Variants in LEMD3 observed in about 807,000 individuals in gnomAD.
LEMD3 encodes inner nuclear membrane protein Man1.
In LEMD3, 33 loss-of-function variants were observed where a neutral mutation model predicts 95.2. The ratio of observed to expected loss-of-function variants is 0.35; its 90% confidence interval spans 0.26 to 0.46. LEMD3 has a LOEUF of 0.46. Among genes scored for constraint, LEMD3 ranks in the 20% least tolerant of loss-of-function variants. LEMD3 has a pLI of 1.00. For synonymous variants in LEMD3, 525 were observed against 474.6 expected (o/e 1.11, Z -1.38); for missense variants, 1,210 against 1,192.8 (o/e 1.01, Z -0.21).
chr12:65,219,128 T>C (rs1261296810), intron 4 of LEMD3, among the ~76,000 whole-genome samples: 1 of 152,158 alleles, frequency 6.6e-6, no homozygotes, highest in Non-Finnish European at 1.5e-5. Flanking sequence ...TATGAGAGAA[T>C]GCATATTAAT....
chr12:65,236,648 A>G lies in LEMD3; in HGVS notation c.1696-1854A>G, dbSNP rs183588602. Among the ~76,000 whole-genome samples, 107 of 152,308 alleles carry G rather than the reference A, an allele frequency of 7.0e-4. 3 individuals carry two copies. Among genetic ancestry groups the G allele is most frequent in the African/African-American group, 2.4e-3 (99 of 41,576 alleles). ...CAGGGAATTTTTCACTGTGTTGTTT[A>G]TGCTGCACCTCTAGTTTCTAAAATA... is the stretch of plus-strand genomic sequence containing the variant. On this transcript the variant is annotated intron_variant, in intron 4 of 12. Coordinates refer to ENST00000308330, the MANE Select transcript of LEMD3 (RefSeq NM_014319.5).
chr12:65,243,645 G>A (rs758689088), intron 10 of LEMD3, among the ~76,000 whole-genome samples, 176 bp downstream of exon 10: 3 of 152,126 alleles, frequency 2.0e-5, no homozygotes, highest in Non-Finnish European at 4.4e-5. Context: ...TTGGCCAAAG[G>A]ACACTAATGT....
rs761590727 is a variant in LEMD3 at position 65,210,974 on chromosome 12, G to A, written c.1560+11G>A. Reference sequence around the variant, plus strand: ...TTTGGAAAAATACAAGTAAGTAAACGATCATAATACTGATAATTTTGTGTC... The same window carrying A: ...TTTGGAAAAATACAAGTAAGTAAACAATCATAATACTGATAATTTTGTGTC... On this transcript the variant is annotated intron_variant, in intron 2 of 12. Coordinates refer to ENST00000308330, the MANE Select transcript of LEMD3 (RefSeq NM_014319.5). 1.9e-6 allele frequency: 3 copies of A among 1,558,572 alleles called. No homozygotes were observed. Among genetic ancestry groups the A allele is most frequent in the East Asian group, 2.2e-5 (1 of 44,534 alleles).
chr12:65,210,856 A>C, intron 1 of LEMD3, 70 bp from the exon 2 acceptor site: 2 of 1,148,224 alleles, frequency 1.7e-6, no homozygotes, highest in Non-Finnish European at 2.7e-6. Flanking sequence ...CTGGCATTTC[A>C]GAGAGTTTGT....
chr12:65,228,199 G>A (rs527412202), intron 4 of LEMD3, among the ~76,000 whole-genome samples: 1 of 152,024 alleles, frequency 6.6e-6, no homozygotes, highest in Non-Finnish European at 1.5e-5. Flanking sequence ...CACAGATGCG[G>A]GGTTGGGGTA....
chr12:65,222,664 T>G, intron 4 of LEMD3, among the ~76,000 whole-genome samples: 1 of 152,038 alleles, frequency 6.6e-6, no homozygotes, highest in East Asian at 1.9e-4. Context: ...GCTCCAATCT[T>G]TATTATTTCC....
chr12:65,239,638 A>T (rs1870872400), intron 6 of LEMD3, among the ~76,000 whole-genome samples: 1 of 152,188 alleles, frequency 6.6e-6, no homozygotes, highest in Non-Finnish European at 1.5e-5. Context: ...TAGTCGTTTT[A>T]TGCTTCAAAG....
chr12:65,210,791 C>T, intron 1 of LEMD3, 135 bp from the exon 2 acceptor site: 1 of 769,962 alleles, frequency 1.3e-6, no homozygotes, highest in Non-Finnish European at 2.4e-6. Context: ...TTTATTATCA[C>T]CAGTTTGTTT....
chr12:65,231,215 T>C (rs1222153351), intron 4 of LEMD3, among the ~76,000 whole-genome samples: 1 of 152,158 alleles, frequency 6.6e-6, no homozygotes, highest in Non-Finnish European at 1.5e-5. Context: ...TTCATGTTTT[T>C]CAAATGCTAT....
Position 65,170,556 on chromosome 12 carries a change from C to A in LEMD3, c.960C>A (p.Asp320Glu). ...VQGGGGLAMN[D>E]RAAAAGSLDR... ...GAGGGGGAGGACTCGCGATGAATGACAGGGCGGCGGCTGCCGGGAGTCTAG... is the reference window on the plus strand; with the variant it reads ...GAGGGGGAGGACTCGCGATGAATGAAAGGGCGGCGGCTGCCGGGAGTCTAG... Residue 320 changes from aspartate to glutamate, a missense_variant, in exon 1 of 13, where the codon GAC (aspartate) becomes GAA (glutamate). Physicochemically the swap from Asp to Glu is conservative, Grantham distance 45. Around this residue, in one of 2 missense-constraint regions of LEMD3, gnomAD observed 749 missense variants for 622.9 expected, o/e 1.20. Transcript: ENST00000308330. 1 of 1,614,006 alleles carries A rather than the reference C, an allele frequency of 6.2e-7. No homozygotes were observed. The highest frequency in any genetic ancestry group is 8.5e-7 in the Non-Finnish European group (1 of 1,179,998).
chr12:65,202,871 A>G (rs553384473), intron 1 of LEMD3, among the ~76,000 whole-genome samples: 1 of 152,200 alleles, frequency 6.6e-6, no homozygotes, highest in Admixed American at 6.5e-5. Flanking sequence ...TATCCTTTTA[A>G]TATCCATGGG....
intron 4 of LEMD3, among the ~76,000 whole-genome samples, chr12:65,224,619 T>C (rs1870393674): frequency 6.6e-6 from 1 of 152,132 alleles, no homozygotes; most frequent in Admixed American, 6.5e-5. Flanking sequence ...GGGACTCCCT[T>C]GTATGTGATG....
At chr12:65,207,358 T>C (rs1476399073) in intron 1 of LEMD3, among the ~76,000 whole-genome samples, 1 of 151,804 alleles carries the variant, frequency 6.6e-6, no homozygotes. Flanking sequence ...GCAGTCTTGT[T>C]GGGGGTGGGG....
chr12:65,175,308 C>T (rs959511945), intron 1 of LEMD3, among the ~76,000 whole-genome samples: 1 of 152,072 alleles, frequency 6.6e-6, no homozygotes, highest in Non-Finnish European at 1.5e-5. Context: ...TTCCACTAGT[C>T]CCTTTCTCAT....
At chr12:65,185,203 A>G (rs985546197) in intron 1 of LEMD3, among the ~76,000 whole-genome samples, 1 of 152,160 alleles carries the variant, frequency 6.6e-6, no homozygotes, top group Admixed American at 6.6e-5. Flanking sequence ...CTCTGTTCAT[A>G]AAAATTGTAT....
intron 8 of LEMD3, chr12:65,240,453 C>G: frequency 3.6e-6 from 2 of 548,046 alleles, no homozygotes; most frequent in Non-Finnish European, 6.5e-6. Context: ...CTAAGTCATT[C>G]TCATTCCTAG....
Position 65,241,037 on chromosome 12 carries a change from C to T in LEMD3, c.2255C>T (p.Ala752Val). ...FLVWRWIQPS[A>V]SCDKILVIPS... The stretch of plus-strand genomic sequence containing the variant: ...GTTTGGCGGTGGATCCAGCCTTCTG[C>T]ATCCTGTGACAAAATATTAGTTATA... The change falls in exon 9 of 13, where the codon GCA becomes GTA. Residue 752 changes from alanine (A) to valine (V), a missense_variant. Coordinates refer to ENST00000308330, the MANE Select transcript of LEMD3 (RefSeq NM_014319.5). 6.2e-7 allele frequency: 1 copy of T among 1,613,962 alleles called. No individual in the cohort carries two copies.
At chr12:65,242,482 T>A (rs1565800821) in intron 9 of LEMD3, among the ~76,000 whole-genome samples, 2 of 152,328 alleles carry the variant, frequency 1.3e-5, no homozygotes, top group African/African-American at 2.4e-5. Flanking sequence ...AGATTCAACA[T>A]GTACACCAGC....
At chr12:65,229,059 C>A (rs1326241410) in intron 4 of LEMD3, among the ~76,000 whole-genome samples, 2 of 152,116 alleles carry the variant, frequency 1.3e-5, no homozygotes, top group Non-Finnish European at 2.9e-5. Flanking sequence ...TTTTTAGTTT[C>A]CCCAAAGGTA....
Sources: gnomAD v4.1 joint callset for allele counts (sites outside exome capture counted in the v4.1 genomes callset) on GRCh38, gnomAD v4.1.1 for gene constraint, gnomAD v4.1.1 regional missense constraint, MANE v1.5 for transcripts, NCBI Gene and HGNC (gene_info 2026-07-23, HGNC 2026-07-21) for gene names.